The following PCDHA1 variants were observed in gnomAD, a reference collection of about 807,000 sequenced individuals.
PCDHA1 encodes the protein protocadherin alpha 1.
PCDHA1 carries 42 observed loss-of-function variants against 61.3 expected under a neutral mutation model. That is an observed-to-expected ratio of 0.69 (90% CI 0.54 to 0.89). The LOEUF (loss-of-function observed/expected upper bound fraction) is 0.89, where lower values mean the gene tolerates loss of function less well. Among genes scored for constraint, PCDHA1 ranks in the 40% least tolerant of loss-of-function variants. PCDHA1 has a pLI of 0.00. For synonymous variants in PCDHA1, 610 were observed against 553.8 expected, an observed-to-expected ratio of 1.10 and a Z score of -1.43; for missense variants, 1,256 against 1,235.3, an observed-to-expected ratio of 1.02 and a Z score of -0.25.
chr5:140,803,090 C>A (rs1763110198), intron 1 of PCDHA1: 1 of 1,613,884 alleles, frequency 6.2e-7, no homozygotes, highest in Non-Finnish European at 8.5e-7. Flanking sequence ...CGGGAGAGAT[C>A]AGCACGACCC....
intron 3 of PCDHA1, among the ~76,000 whole-genome samples, chr5:140,991,237 A>G (rs2097440162): frequency 6.6e-6 from 1 of 152,186 alleles, no homozygotes; most frequent in African/African-American, 2.4e-5. Context: ...ATGCAGTGGT[A>G]AAGGCAGTAT....
At chr5:140,997,225 C>T (rs1554255781) in intron 3 of PCDHA1, among the ~76,000 whole-genome samples, 1 of 152,090 alleles carries the variant, frequency 6.6e-6, no homozygotes, top group African/African-American at 2.4e-5. Context: ...CTATCATTAC[C>T]ACCCAACTTC....
chr5:140,986,173 C>G (rs1459755039), intron 3 of PCDHA1, among the ~76,000 whole-genome samples: 1 of 152,202 alleles, frequency 6.6e-6, no homozygotes, highest in Non-Finnish European at 1.5e-5. Flanking sequence ...GCAGGATAAA[C>G]AAGTCAGGCA....
chr5:140,802,460 T>C, intron 1 of PCDHA1: 3 of 1,614,154 alleles, frequency 1.9e-6, no homozygotes, highest in South Asian at 1.1e-5. Context: ...TGTCGGCCTA[T>C]GAGCTGGTGG....
chr5:141,009,739 C>A lies in PCDHA1; in HGVS notation c.2655C>A (p.Pro885=), dbSNP rs370989006. Residue 885 remains proline, a synonymous_variant, in exon 4 of 4, where the codon CCC becomes CCA. Transcript: ENST00000504120. ...AACAATCCGGTCCCGGTGAGTTGCC[C>A]GACAAATTCATTATCCCAGGATCTC... ...NPKQSGPGEL[P]DKFIIPGSPA... 2 of 1,614,010 alleles carry A rather than the reference C, an allele frequency of 1.2e-6. No homozygotes were observed. Among genetic ancestry groups the A allele is most frequent in the Non-Finnish European group, 1.7e-6 (2 of 1,180,008 alleles).
chr5:140,886,095 T>C (rs1229514130), intron 1 of PCDHA1, among the ~76,000 whole-genome samples: 2 of 152,200 alleles, frequency 1.3e-5, no homozygotes, highest in Non-Finnish European at 2.9e-5. Flanking sequence ...ATATTGACAT[T>C]GATACAGTAA....
chr5:140,900,309 C>T (rs1183008231), intron 1 of PCDHA1, among the ~76,000 whole-genome samples: 1 of 151,686 alleles, frequency 6.6e-6, no homozygotes, highest in Non-Finnish European at 1.5e-5. Context: ...GACAGTCTCA[C>T]TTTTGTCGCC....
At chr5:140,822,585 G>C (rs2150117508) in intron 1 of PCDHA1, 20 of 1,611,928 alleles carry the variant, frequency 1.2e-5, no homozygotes, top group Non-Finnish European at 1.6e-5. Context: ...ATGCAGATGA[G>C]GGCATCAATA....
At chr5:140,892,086 C>T (rs965682257) in intron 1 of PCDHA1, among the ~76,000 whole-genome samples, 1 of 152,156 alleles carries the variant, frequency 6.6e-6, no homozygotes, top group Non-Finnish European at 1.5e-5. Context: ...CTAGTTTCCT[C>T]TCGAAACTTT....
intron 1 of PCDHA1, chr5:140,813,615 T>A (rs2126648009): frequency 6.6e-6 from 1 of 152,216 alleles, no homozygotes; most frequent in Non-Finnish European, 1.5e-5. Flanking sequence ...GAATGGTGAG[T>A]GAATGTGAAG....
chr5:140,848,575 G>A lies in PCDHA1; in HGVS notation c.2394+59891G>A, dbSNP rs1554142211. 6 of 1,595,558 alleles carry A rather than the reference G, an allele frequency of 3.8e-6. 1 individual carries two copies. In the East Asian group the frequency reaches 1.3e-4, roughly 36 times the overall value. ...CTGATCCTCGCAATGTGGGTGGTGG[G>A]GAGCGGCCAGCTCCACTACTCCGTC... On this transcript the variant is annotated intron_variant, in intron 1 of 3. Coordinates refer to ENST00000504120, the MANE Select transcript of PCDHA1 (RefSeq NM_018900.4).
At chr5:140,884,581 C>A in intron 1 of PCDHA1, 1 of 1,614,184 alleles carries the variant, frequency 6.2e-7, no homozygotes, top group African/African-American at 1.3e-5. Context: ...ACCTCATGGC[C>A]TTCAGTCCCA....
At chr5:140,828,480 C>T (rs2150155804) in intron 1 of PCDHA1, 2 of 1,614,198 alleles carry the variant, frequency 1.2e-6, no homozygotes, top group Non-Finnish European at 8.5e-7. Flanking sequence ...AACGACAACC[C>T]GCCCTTGTTC....
At chr5:140,841,479 G>T (rs2150316299) in intron 1 of PCDHA1, 1 of 1,613,084 alleles carries the variant, frequency 6.2e-7, no homozygotes, top group Non-Finnish European at 8.5e-7. Context: ...CAGGACCTGG[G>T]GCTGGAGCTG....
rs782079622 is a variant in PCDHA1, at chr5:140,830,671, A to T, written c.2394+41987A>T. On this transcript the variant is annotated intron_variant, in intron 1 of 3. Coordinates refer to ENST00000504120, the MANE Select transcript of PCDHA1 (RefSeq NM_018900.4). ...TAATATTCATAATTTAAGTGAAATTAGAAATCACTGTCCACAATCTGCACC... is the reference window on the plus strand; with the variant it reads ...TAATATTCATAATTTAAGTGAAATTTGAAATCACTGTCCACAATCTGCACC... 15 of 371,800 alleles carry T rather than the reference A, an allele frequency of 4.0e-5. 1 individual carries two copies. The highest frequency in any genetic ancestry group is 6.2e-5 in the Non-Finnish European group (14 of 224,206). 23.0% of individuals were successfully genotyped at this position (371,800 alleles called of 1,614,324 possible).
chr5:140,822,947 A>G (rs2150120611), intron 1 of PCDHA1: 1 of 1,614,124 alleles, frequency 6.2e-7, no homozygotes, highest in African/African-American at 1.3e-5. Context: ...CTAATGCCCC[A>G]CGTTCCCTTC....
intron 1 of PCDHA1, among the ~76,000 whole-genome samples, chr5:140,950,849 T>G (rs1403920591): frequency 6.6e-6 from 1 of 152,120 alleles, no homozygotes; most frequent in Non-Finnish European, 1.5e-5. Flanking sequence ...ATACATTTCT[T>G]TCATATTCTT....
chr5:140,787,037 C>A lies in PCDHA1; in HGVS notation c.747C>A (p.Val249=). 2 of 1,614,164 alleles carry A rather than the reference C, an allele frequency of 1.2e-6. No individual in the cohort carries two copies. The highest frequency in any genetic ancestry group is 1.7e-6 in the Non-Finnish European group (2 of 1,180,010). Reference sequence around the variant, plus strand: ...TGTTTGACCAGGCCGTATACAGAGTCCACTTGTTAGAGACTACAGCAAATG... The same window carrying A: ...TGTTTGACCAGGCCGTATACAGAGTACACTTGTTAGAGACTACAGCAAATG... ...APLFDQAVYR[V]HLLETTANGT... is the part of the protein sequence containing the mutation. The change falls in exon 1 of 4, where the codon GTC becomes GTA. Residue 249 remains valine, a synonymous_variant. Coordinates refer to ENST00000504120, the MANE Select transcript of PCDHA1 (RefSeq NM_018900.4).
At chr5:140,995,500 G>A (rs541415385) in intron 3 of PCDHA1, among the ~76,000 whole-genome samples, 22 of 152,298 alleles carry the variant, frequency 1.4e-4, no homozygotes, top group Admixed American at 1.2e-3. Flanking sequence ...AAGGTTGACT[G>A]TGGGTAACTG....
Sources: allele counts gnomAD v4.1 joint callset (sites outside exome capture counted in the v4.1 genomes callset), GRCh38; gene constraint gnomAD v4.1.1; transcripts MANE v1.5; gene names NCBI Gene and HGNC (gene_info 2026-07-23, HGNC 2026-07-21).